TENM4: variants seen among roughly 807,000 people sequenced by gnomAD.
TENM4 encodes the protein teneurin transmembrane protein 4, also known as teneurin-4.
Under a neutral mutation model 243.3 loss-of-function variants are expected in TENM4, and 82 were observed. The ratio of observed to expected loss-of-function variants is 0.34; its 90% CI spans 0.28 to 0.40. The LOEUF (loss-of-function observed/expected upper bound fraction) is 0.40, where lower values mean the gene tolerates loss of function less well. TENM4 is among the 10% of genes least tolerant of loss of function. TENM4 has a pLI of 1.00. For synonymous variants in TENM4, 1,412 were observed against 1,456.3 expected (o/e 0.97, Z 0.69); for missense variants, 3,138 against 3,673.3 (o/e 0.85, Z 3.77).
chr11:78,830,998 T>C (rs1485616305), intron 12 of TENM4, among the ~76,000 whole-genome samples: 1 of 152,190 alleles, frequency 6.6e-6, no homozygotes, highest in East Asian at 1.9e-4. Context: ...ATAAACCCAT[T>C]AAACTCATAC....
At chr11:78,950,621 C>T (rs1401647377) in intron 6 of TENM4, among the ~76,000 whole-genome samples, 4 of 152,128 alleles carry the variant, frequency 2.6e-5, no homozygotes, top group Non-Finnish European at 5.9e-5. Flanking sequence ...AAACACTAAC[C>T]AGAAAAATGA....
At chr11:78,875,405 T>C (rs1380527709) in intron 9 of TENM4, among the ~76,000 whole-genome samples, 2 of 152,140 alleles carry the variant, frequency 1.3e-5, no homozygotes, top group Non-Finnish European at 2.9e-5. Flanking sequence ...GGTTCCAACA[T>C]GTTGGCCAGG....
intron 4 of TENM4, among the ~76,000 whole-genome samples, chr11:79,104,087 T>C (rs1283699443): frequency 6.6e-6 from 1 of 152,142 alleles, no homozygotes; most frequent in African/African-American, 2.4e-5. Context: ...CTCTAAAGAG[T>C]GGTCTTCCCT....
chr11:79,420,683 T>C (rs76871460), intron 1 of TENM4, among the ~76,000 whole-genome samples: 1 of 151,814 alleles, frequency 6.6e-6, no homozygotes, highest in African/African-American at 2.4e-5. Context: ...AGTTTTTTTT[T>C]GGGGGGTGGG....
At chr11:79,435,622 C>A (rs763384142) in intron 1 of TENM4, among the ~76,000 whole-genome samples, 1 of 152,196 alleles carries the variant, frequency 6.6e-6, no homozygotes, top group Non-Finnish European at 1.5e-5. Context: ...GTTACTGGGA[C>A]AGGAACTACA....
chr11:78,794,312 C>A (rs1214919399), intron 15 of TENM4, among the ~76,000 whole-genome samples: 1 of 152,170 alleles, frequency 6.6e-6, no homozygotes, highest in Non-Finnish European at 1.5e-5. Flanking sequence ...GGTACTTCAC[C>A]CTCTGGGTAG....
At chr11:78,742,680 C>T (rs1052537377) in intron 19 of TENM4, among the ~76,000 whole-genome samples, 1 of 152,194 alleles carries the variant, frequency 6.6e-6, no homozygotes, top group Non-Finnish European at 1.5e-5. Context: ...ATGAGTCCAA[C>T]CACACACTCA....
chr11:78,887,169 G>A (rs1317551898), intron 9 of TENM4, among the ~76,000 whole-genome samples: 2 of 152,124 alleles, frequency 1.3e-5, no homozygotes, highest in African/African-American at 2.4e-5. Flanking sequence ...TAGCTCCAAC[G>A]GTGCACCCCA....
intron 15 of TENM4, among the ~76,000 whole-genome samples, chr11:78,794,751 C>T (rs1373486364): frequency 2.6e-5 from 4 of 152,158 alleles, no homozygotes; most frequent in African/African-American, 9.7e-5. Context: ...AGAACTGGCA[C>T]TGGGTAGGAA....
At chr11:78,925,083 C>A (rs614624) in intron 6 of TENM4, among the ~76,000 whole-genome samples, 18,405 of 152,198 alleles carry the variant, frequency 0.12, 1,509 homozygotes, top group Non-Finnish European at 0.18. Context: ...ATTTGAGTAA[C>A]CTTCTAAATC....
At chr11:79,311,947 A>C (rs1436719084) in intron 1 of TENM4, among the ~76,000 whole-genome samples, 5 of 152,166 alleles carry the variant, frequency 3.3e-5, no homozygotes, top group Non-Finnish European at 4.4e-5. Flanking sequence ...TATTTGCTTC[A>C]GGGTCCTGAA....
At chr11:78,800,736 G>GGGGA (rs1331374177) in intron 15 of TENM4, among the ~76,000 whole-genome samples, 64 of 144,370 alleles carry the variant, frequency 4.4e-4, no homozygotes, top group Non-Finnish European at 5.8e-4. Flanking sequence ...AGTTCACAGG[G>GGGGA]GAGAGAGAGA....
chr11:79,211,454 A>G (rs1327048967), intron 3 of TENM4, among the ~76,000 whole-genome samples: 1 of 152,186 alleles, frequency 6.6e-6, no homozygotes, highest in African/African-American at 2.4e-5. Context: ...ACCTTTCAGG[A>G]AGTCTGTGAG....
chr11:78,708,965 C>CT (rs1188328355), intron 26 of TENM4, among the ~76,000 whole-genome samples: 1,918 of 132,842 alleles, frequency 0.014, 74 homozygotes, highest in African/African-American at 0.066. Context: ...CTTTCTTTTT[C>CT]TTTCTTTTTT....
chr11:78,831,441 C>A (rs1857976691), intron 12 of TENM4, among the ~76,000 whole-genome samples: 1 of 152,308 alleles, frequency 6.6e-6, no homozygotes, highest in Admixed American at 6.5e-5. Flanking sequence ...CAGTCTGATG[C>A]ACAATGTGCT....
intron 1 of TENM4, among the ~76,000 whole-genome samples, chr11:79,356,724 T>C (rs1199656062): frequency 6.6e-6 from 1 of 151,986 alleles, no homozygotes; most frequent in East Asian, 1.9e-4. Context: ...TCACTATTAT[T>C]AGTCCTAAAT....
intron 4 of TENM4, chr11:79,097,724 G>A (rs960760114): frequency 2.0e-5 from 3 of 151,778 alleles, no homozygotes; most frequent in African/African-American, 4.8e-5. Context: ...ACGAAACAGC[G>A]AACATGTGAA....
At chr11:79,097,820 T>C (rs1017469593) in intron 4 of TENM4, 11 of 148,656 alleles carry the variant, frequency 7.4e-5, no homozygotes, top group African/African-American at 2.8e-4. Context: ...TATATTAACA[T>C]TTTGCTTTTT....
At chr11:79,171,082 A>C (rs191014489) in intron 3 of TENM4, among the ~76,000 whole-genome samples, 2 of 152,286 alleles carry the variant, frequency 1.3e-5, no homozygotes, top group Non-Finnish European at 2.9e-5. Flanking sequence ...GGACATAAGC[A>C]CAGAGGTAGA....
Sources: gnomAD v4.1 joint callset for allele counts (sites outside exome capture counted in the v4.1 genomes callset) on GRCh38, gnomAD v4.1.1 for gene constraint, MANE v1.5 for transcripts, NCBI Gene and HGNC (gene_info 2026-07-23, HGNC 2026-07-21) for gene names.